The following CNTNAP4 variants were observed in gnomAD, a reference collection of about 807,000 sequenced individuals.
CNTNAP4 encodes the protein contactin-associated protein-like 4.
Under a neutral mutation model 148.4 loss-of-function variants are expected in CNTNAP4, and 98 were observed. That is an observed-to-expected ratio of 0.66 (90% confidence interval 0.56 to 0.78). The LOEUF (loss-of-function observed/expected upper bound fraction) is 0.78, where lower values mean the gene tolerates loss of function less well. Among genes scored for constraint, CNTNAP4 ranks in the 30% least tolerant of loss-of-function variants. CNTNAP4 has a pLI of 0.00. For synonymous variants in CNTNAP4, 730 were observed against 565.1 expected, an observed-to-expected ratio of 1.29 and a Z score of -4.14; for missense variants, 1,935 against 1,565.6, an observed-to-expected ratio of 1.24 and a Z score of -3.98.
intron 4 of CNTNAP4, among the ~76,000 whole-genome samples, chr16:76,444,772 G>A (rs766918723): frequency 2.6e-5 from 4 of 151,710 alleles, no homozygotes; most frequent in Non-Finnish European, 5.9e-5. Context: ...TTCATTTCCT[G>A]AGAGTCTGTT....
intron 17 of CNTNAP4, among the ~76,000 whole-genome samples, chr16:76,523,824 A>C (rs9941180): frequency 6.6e-6 from 1 of 152,150 alleles, no homozygotes; most frequent in African/African-American, 2.4e-5. Context: ...CCCAGCGTTC[A>C]AGAAGCTGAG....
intron 3 of CNTNAP4, among the ~76,000 whole-genome samples, chr16:76,392,243 C>T (rs925932395): frequency 6.6e-6 from 1 of 152,178 alleles, no homozygotes; most frequent in African/African-American, 2.4e-5. Flanking sequence ...ATCTGCCTGC[C>T]TTGGCCTCCC....
intron 15 of CNTNAP4, among the ~76,000 whole-genome samples, chr16:76,501,213 A>G (rs2082627367): frequency 6.6e-6 from 1 of 152,240 alleles, no homozygotes; most frequent in Admixed American, 6.5e-5. Context: ...GGGAAGAAAA[A>G]TTATGTGCAA....
At chr16:76,464,819 C>T (rs2081119582) in intron 9 of CNTNAP4, among the ~76,000 whole-genome samples, 1 of 152,132 alleles carries the variant, frequency 6.6e-6, no homozygotes, top group Non-Finnish European at 1.5e-5. Flanking sequence ...TTTTTTCCAC[C>T]CTCAAACAGG....
intron 1 of CNTNAP4, among the ~76,000 whole-genome samples, chr16:76,306,268 A>G (rs1960471243): frequency 6.6e-6 from 1 of 152,150 alleles, no homozygotes; most frequent in South Asian, 2.1e-4. Flanking sequence ...CATCCTTCTT[A>G]ATAAGGTTAT....
intron 12 of CNTNAP4, among the ~76,000 whole-genome samples, chr16:76,486,729 A>T (rs945052694): frequency 6.6e-6 from 1 of 152,172 alleles, no homozygotes; most frequent in Non-Finnish European, 1.5e-5. Flanking sequence ...TCTAAAGAAA[A>T]TTTGTGACAT....
intron 2 of CNTNAP4, among the ~76,000 whole-genome samples, chr16:76,350,232 T>C (rs1965258231): frequency 6.6e-6 from 1 of 152,174 alleles, no homozygotes; most frequent in Non-Finnish European, 1.5e-5. Context: ...ATATGTAAAG[T>C]GACATCCTCC....
At chr16:76,326,304 C>T (rs1337622548) in intron 2 of CNTNAP4, among the ~76,000 whole-genome samples, 2 of 152,152 alleles carry the variant, frequency 1.3e-5, no homozygotes, top group Admixed American at 1.3e-4. Flanking sequence ...CTGGAATGTA[C>T]ATGTGCTCTG....
intron 3 of CNTNAP4, among the ~76,000 whole-genome samples, chr16:76,374,029 CAAAT>C (rs2015155552): frequency 6.6e-6 from 1 of 151,860 alleles, no homozygotes; most frequent in South Asian, 2.1e-4. Flanking sequence ...TTGTGTCTAA[CAAAT>C]AAAATTTGTA....
At position 76,316,395 on chromosome 16, in the gene CNTNAP4, C is replaced by T. The variant is rs375674931; in HGVS notation, c.86-18C>T. 93 of 1,567,832 alleles carry T rather than the reference C, an allele frequency of 5.9e-5. No individual in the cohort carries two copies. In the Middle Eastern group the frequency reaches 6.7e-4, roughly 11 times the overall value. ...TCAGCACTAACTAACCCTAACGTGGCATTGTTCCTCCTGGCAGATGACTGT... is the reference window on the plus strand; with the variant it reads ...TCAGCACTAACTAACCCTAACGTGGTATTGTTCCTCCTGGCAGATGACTGT... On this transcript the variant is annotated intron_variant, in intron 1 of 23. Coordinates refer to ENST00000611870, the MANE Select transcript of CNTNAP4 (RefSeq NM_033401.5).
At chr16:76,553,955 A>G (rs765837267) in intron 23 of CNTNAP4, 48 bp downstream of exon 23, 3 of 1,133,470 alleles carry the variant, frequency 2.6e-6, no homozygotes, top group Non-Finnish European at 4.0e-6. Context: ...CTTATTAATA[A>G]TGATGATGAA....
chr16:76,398,926 C>A (rs72794970), intron 3 of CNTNAP4, among the ~76,000 whole-genome samples: 6,224 of 151,958 alleles, frequency 0.041, 170 homozygotes, highest in Non-Finnish European at 0.066. Flanking sequence ...TAATAATCCC[C>A]CCTGTGTCAA....
chr16:76,346,186 C>G (rs1055430128), intron 2 of CNTNAP4, among the ~76,000 whole-genome samples: 1 of 152,104 alleles, frequency 6.6e-6, no homozygotes, highest in East Asian at 1.9e-4. Flanking sequence ...TAATGCTATA[C>G]GAATGTGTTC....
At chr16:76,383,969 C>A (rs933336293) in intron 3 of CNTNAP4, among the ~76,000 whole-genome samples, 1 of 152,060 alleles carries the variant, frequency 6.6e-6, no homozygotes, top group Non-Finnish European at 1.5e-5. Flanking sequence ...GTTTTCTCCT[C>A]TTTAAATTTT....
chr16:76,307,502 G>C (rs1432059123), intron 1 of CNTNAP4, among the ~76,000 whole-genome samples: 1 of 41,296 alleles, frequency 2.4e-5, no homozygotes, highest in African/African-American at 1.1e-4. Flanking sequence ...TATTTTAAAT[G>C]CATATATATA....
intron 15 of CNTNAP4, among the ~76,000 whole-genome samples, chr16:76,517,182 T>A (rs1353379181): frequency 6.6e-6 from 1 of 152,054 alleles, no homozygotes; most frequent in Admixed American, 6.6e-5. Context: ...AGGAACTAAT[T>A]AGTTGTGCCA....
At chr16:76,370,399 A>G (rs1041050236) in intron 3 of CNTNAP4, among the ~76,000 whole-genome samples, 1 of 152,134 alleles carries the variant, frequency 6.6e-6, no homozygotes, top group African/African-American at 2.4e-5. Flanking sequence ...TGCCCTATAG[A>G]ATTATGGAAG....
At chr16:76,284,636 TTGAC>T (rs1299581008) in intron 1 of CNTNAP4, among the ~76,000 whole-genome samples, 34 of 152,000 alleles carry the variant, frequency 2.2e-4, no homozygotes, top group Admixed American at 7.2e-4. Context: ...AAAAATGTCA[TTGAC>T]TGTTGAATTG....
intron 3 of CNTNAP4, among the ~76,000 whole-genome samples, chr16:76,366,403 A>G (rs972388820): frequency 6.6e-6 from 1 of 152,208 alleles, no homozygotes; most frequent in African/African-American, 2.4e-5. Flanking sequence ...CTGTTCGTGC[A>G]TTAGTTTGCT....
Sources: gnomAD v4.1 joint callset for allele counts (sites outside exome capture counted in the v4.1 genomes callset) on GRCh38, gnomAD v4.1.1 for gene constraint, MANE v1.5 for transcripts, NCBI Gene and HGNC (gene_info 2026-07-23, HGNC 2026-07-21) for gene names.